The following GMDS variants were observed in gnomAD, a reference collection of about 807,000 sequenced individuals.
GMDS encodes GDP-mannose 4,6-dehydratase.
In GMDS, 20 loss-of-function variants were observed where a neutral mutation model predicts 49.9. The observed-to-expected ratio is 0.40, with a 90% CI of 0.28 to 0.58. GMDS has a LOEUF of 0.58. Ranked by LOEUF, GMDS falls within the 20% of genes least tolerant of loss-of-function variation. The pLI is 0.42. For synonymous variants in GMDS, 177 were observed against 178.6 expected (o/e 0.99, Z 0.07); for missense variants, 362 against 481.4 (o/e 0.75, Z 2.32).
At chr6:1,880,271 G>C (rs1397008415) in intron 7 of GMDS, among the ~76,000 whole-genome samples, 1 of 89,794 alleles carries the variant, frequency 1.1e-5, no homozygotes, top group African/African-American at 4.7e-5. Flanking sequence ...AATGAAACGA[G>C]ACCTCATTTC....
intron 7 of GMDS, among the ~76,000 whole-genome samples, chr6:1,754,914 C>G (rs1767882892): frequency 6.6e-6 from 1 of 152,184 alleles, no homozygotes; most frequent in Non-Finnish European, 1.5e-5. Flanking sequence ...CCATTTATGA[C>G]AAACCCACAG....
chr6:2,184,730 CAT>C (rs1248723593), intron 1 of GMDS, among the ~76,000 whole-genome samples: 1 of 152,082 alleles, frequency 6.6e-6, no homozygotes, highest in Non-Finnish European at 1.5e-5. Flanking sequence ...ACTTTAAAAA[CAT>C]ATAAAATACA....
intron 9 of GMDS, among the ~76,000 whole-genome samples, chr6:1,639,616 G>A (rs1311356594): frequency 6.6e-6 from 1 of 152,224 alleles, no homozygotes; most frequent in Non-Finnish European, 1.5e-5. Flanking sequence ...GGCCGGGCAC[G>A]GTGGCTCATG....
intron 1 of GMDS, among the ~76,000 whole-genome samples, chr6:2,195,601 T>A (rs1416012175): frequency 1.3e-5 from 2 of 152,174 alleles, no homozygotes; most frequent in Non-Finnish European, 2.9e-5. Context: ...AATAATTAAG[T>A]CCATAAAAAT....
intron 4 of GMDS, among the ~76,000 whole-genome samples, chr6:2,020,940 G>A (rs1020970937): frequency 5.3e-5 from 8 of 152,110 alleles, no homozygotes; most frequent in Non-Finnish European, 1.2e-4. Context: ...TACTATACTG[G>A]AAAAATAAAA....
chr6:1,960,461 C>T (rs989180898), intron 5 of GMDS, among the ~76,000 whole-genome samples: 7 of 151,598 alleles, frequency 4.6e-5, no homozygotes, highest in African/African-American at 1.7e-4. Context: ...AATCTCATAA[C>T]AGTTTAGAAA....
At chr6:2,006,241 G>C (rs528674599) in intron 4 of GMDS, among the ~76,000 whole-genome samples, 1 of 147,180 alleles carries the variant, frequency 6.8e-6, no homozygotes, top group South Asian at 2.2e-4. Flanking sequence ...GGGAAACACA[G>C]GGAGAATTTG....
At chr6:1,734,367 A>G (rs954285221) in intron 8 of GMDS, among the ~76,000 whole-genome samples, 1 of 152,216 alleles carries the variant, frequency 6.6e-6, no homozygotes, top group Non-Finnish European at 1.5e-5. Flanking sequence ...TGATTTCTCT[A>G]TCGTGGGGCC....
chr6:2,070,319 G>C (rs1771910009), intron 4 of GMDS, among the ~76,000 whole-genome samples: 1 of 150,714 alleles, frequency 6.6e-6, no homozygotes, highest in African/African-American at 2.4e-5. Context: ...CCTAATGCTA[G>C]ATGACGAGTT....
intron 4 of GMDS, among the ~76,000 whole-genome samples, chr6:2,061,211 G>A (rs2127447506): frequency 6.6e-6 from 1 of 152,144 alleles, no homozygotes; most frequent in Non-Finnish European, 1.5e-5. Context: ...ACCAGACCCT[G>A]GAAACCCTTG....
intron 4 of GMDS, among the ~76,000 whole-genome samples, chr6:2,070,227 A>T (rs1043495805): frequency 7.0e-6 from 1 of 142,510 alleles, no homozygotes; most frequent in Non-Finnish European, 1.5e-5. Context: ...ATGAGAACAC[A>T]TGGACACAAG....
chr6:2,118,089 T>C (rs1774947942), intron 2 of GMDS, among the ~76,000 whole-genome samples: 1 of 151,974 alleles, frequency 6.6e-6, no homozygotes, highest in Non-Finnish European at 1.5e-5. Context: ...CTAAAGAGCA[T>C]GGGTAAGAGA....
rs1282285299 is a variant in GMDS, at chr6:1,931,096, T to C, written c.644-866A>G. ...GTTTTACCTTGTTATCTAGGTAAGGTTATGAGAAAACACCATTTAATACCA... is the reference window on the plus strand; with the variant it reads ...GTTTTACCTTGTTATCTAGGTAAGGCTATGAGAAAACACCATTTAATACCA... On this transcript the variant is annotated intron_variant, in intron 6 of 10. Transcript: ENST00000380815. 2.6e-5 allele frequency: 4 copies of C among 152,206 alleles called. No homozygotes were observed. The South Asian group carries it at 8.3e-4, about 32-fold the overall frequency. The allele number at this position is 152,206 out of a possible 1,614,324, so 9.4% of individuals were successfully genotyped here.
intron 1 of GMDS, among the ~76,000 whole-genome samples, chr6:2,184,767 T>C (rs1778704622): frequency 6.6e-6 from 1 of 152,216 alleles, no homozygotes; most frequent in African/African-American, 2.4e-5. Flanking sequence ...ATTATCAGCA[T>C]TAACAGTCAA....
chr6:1,748,596 C>G (rs998481234), intron 7 of GMDS, among the ~76,000 whole-genome samples: 2 of 152,172 alleles, frequency 1.3e-5, no homozygotes, highest in African/African-American at 4.8e-5. Context: ...AGGGGACAGA[C>G]AACTTTTTTC....
chr6:2,144,785 C>T (rs1776471226), intron 1 of GMDS, among the ~76,000 whole-genome samples: 1 of 152,196 alleles, frequency 6.6e-6, no homozygotes, highest in African/African-American at 2.4e-5. Flanking sequence ...TGACTTCAAG[C>T]CTTCAGCAAC....
At chr6:1,955,513 T>C (rs866532985) in intron 6 of GMDS, among the ~76,000 whole-genome samples, 1 of 152,156 alleles carries the variant, frequency 6.6e-6, no homozygotes, top group Non-Finnish European at 1.5e-5. Flanking sequence ...TAAATATTAC[T>C]AAAGTGCTCC....
intron 9 of GMDS, among the ~76,000 whole-genome samples, chr6:1,724,284 A>T (rs1766494207): frequency 1.3e-5 from 2 of 152,240 alleles, no homozygotes; most frequent in Admixed American, 1.3e-4. Context: ...GCTAGTGTCA[A>T]CAGAGCTGCA....
At chr6:2,212,707 T>TAAAAAAAAAAA (rs35503764) in intron 1 of GMDS, among the ~76,000 whole-genome samples, 2 of 113,582 alleles carry the variant, frequency 1.8e-5, no homozygotes, top group African/African-American at 3.1e-5. Flanking sequence ...GATTAACTTG[T>TAAAAAAAAAAA]AAAAAAAAAA....
Sources: allele counts gnomAD v4.1 joint callset (sites outside exome capture counted in the v4.1 genomes callset), GRCh38; gene constraint gnomAD v4.1.1; transcripts MANE v1.5; gene names NCBI Gene and HGNC (gene_info 2026-07-23, HGNC 2026-07-21).